Variants in PCNX1 observed in about 807,000 individuals in gnomAD.
The protein encoded by PCNX1 is pecanex 1.
PCNX1 carries 78 observed loss-of-function variants against 242.2 expected under a neutral mutation model. That is an observed-to-expected ratio of 0.32 (90% CI 0.27 to 0.39). The LOEUF (loss-of-function observed/expected upper bound fraction) is 0.39. PCNX1 is among the 10% of genes least tolerant of loss of function. The pLI is 1.00. For missense variants in PCNX1, 2,581 were observed against 2,856.5 expected (o/e 0.90, Z 2.20); for synonymous variants, 1,024 against 1,032.9 (o/e 0.99, Z 0.17).
At position 71,047,978 on chromosome 14, in the gene PCNX1, C is replaced by T. The variant is rs771588961; in HGVS notation, c.4332C>T (p.Phe1444=). Residue 1444 remains phenylalanine, a synonymous_variant, in exon 22 of 36, where the codon TTC becomes TTT. Transcript: ENST00000304743. ...LLDLFFMSIL[F]NKLWELLYKL... is the part of the protein sequence containing the mutation. ...ATCTCTTCTTTATGTCCATACTCTT[C>T]AACAAGGTAATTTATCACTGAAAGG... 1 of 1,607,394 alleles carries T rather than the reference C, an allele frequency of 6.2e-7. No individual in the cohort carries two copies. Among genetic ancestry groups the T allele is most frequent in the East Asian group, 2.2e-5 (1 of 44,736 alleles).
chr14:71,038,511 A>G (rs1029592677), intron 19 of PCNX1, among the ~76,000 whole-genome samples: 7 of 152,134 alleles, frequency 4.6e-5, no homozygotes, highest in Non-Finnish European at 1.5e-5. Context: ...AATGCAAATC[A>G]AAACCACAAT....
chr14:71,110,125 C>T lies in PCNX1; in HGVS notation c.*190C>T. On this transcript the variant is annotated 3_prime_UTR_variant, in exon 36 of 36. Transcript: ENST00000304743. ...TGACTCCTGTCACTGTCTCCATCCC[C>T]AAATAAAGCTGAAATATTTTTTTAA... The T allele has an allele frequency of 1.5e-6, 1 of 647,140 alleles. No individual in the cohort carries two copies. The highest frequency in any genetic ancestry group is 2.8e-6 in the Non-Finnish European group (1 of 357,806). The allele number at this position is 647,140 out of a possible 1,614,324, so 40.1% of individuals were successfully genotyped here. A position where few individuals can be genotyped will look rare whatever the true frequency, so the allele number is the denominator to read the frequency against.
rs1297586177 is a variant in PCNX1, at chr14:71,110,815, T to A, written c.*880T>A. 1.3e-5 allele frequency: 2 copies of A among 152,692 alleles called. No individual in the cohort carries two copies. The highest frequency in any genetic ancestry group is 4.8e-5 in the African/African-American group (2 of 41,464). The allele number at this position is 152,692 out of a possible 1,614,324, so 9.5% of individuals were successfully genotyped here. On this transcript the variant is annotated 3_prime_UTR_variant, in exon 36 of 36. Coordinates refer to ENST00000304743, the MANE Select transcript of PCNX1 (RefSeq NM_014982.3). ...TGTGTCTACATCTCAGAGGAGCCCATGTGCTCTGCTTCTCTCCACCAGAGC... is the reference window on the plus strand; with the variant it reads ...TGTGTCTACATCTCAGAGGAGCCCAAGTGCTCTGCTTCTCTCCACCAGAGC...
At chr14:71,041,794 T>TATACTA (rs1426145901) in intron 19 of PCNX1, among the ~76,000 whole-genome samples, 14 of 114,192 alleles carry the variant, frequency 1.2e-4, no homozygotes, top group African/African-American at 6.1e-4. Context: ...TATACTATAC[T>TATACTA]ATACTATACT....
At position 70,942,896 on chromosome 14, in the gene PCNX1, A is replaced by AC. The variant is rs1250373538; in HGVS notation, c.154-4019_154-4018insC. On this transcript the variant is annotated intron_variant, in intron 1 of 35. Coordinates refer to ENST00000304743, the MANE Select transcript of PCNX1 (RefSeq NM_014982.3). Reference sequence around the variant, plus strand: ...AGGACCACGTGGAGATAACTGAATCATGGGGGTGGTTCCCCCATGCTGTTC... The same window carrying AC: ...AGGACCACGTGGAGATAACTGAATCACTGGGGGTGGTTCCCCCATGCTGTTC... 5 of 152,220 alleles carry AC rather than the reference A, an allele frequency of 3.3e-5. No individual in the cohort carries two copies. The East Asian group carries it at 9.6e-4, about 29-fold the overall frequency. The allele number at this position is 152,220 out of a possible 1,614,324, so 9.4% of individuals were successfully genotyped here.
At chr14:70,988,397 CT>C (rs1209683884) in intron 6 of PCNX1, among the ~76,000 whole-genome samples, 169 bp from the exon 7 acceptor site, 1 of 152,088 alleles carries the variant, frequency 6.6e-6, no homozygotes, top group African/African-American at 2.4e-5. Flanking sequence ...ATGACAGATA[CT>C]TTTTGTGTAT....
intron 22 of PCNX1, among the ~76,000 whole-genome samples, chr14:71,048,417 C>CTAAA (rs1422511483): frequency 2.0e-5 from 3 of 152,126 alleles, no homozygotes; most frequent in Non-Finnish European, 4.4e-5. Context: ...ATACTCTGAA[C>CTAAA]TTTATAGGCT....
intron 1 of PCNX1, among the ~76,000 whole-genome samples, chr14:70,941,663 G>C (rs1379267896): frequency 1.3e-5 from 2 of 152,192 alleles, no homozygotes; most frequent in Non-Finnish European, 2.9e-5. Flanking sequence ...AAAGTTGTCA[G>C]ACAGGGACGT....
chr14:71,048,035 G>T, intron 22 of PCNX1, 51 bp downstream of exon 22: 3 of 1,314,712 alleles, frequency 2.3e-6, no homozygotes, highest in Non-Finnish European at 3.2e-6. Context: ...TATCTCCCTG[G>T]GTTATATGCT....
chr14:71,048,459 A>C (rs577686697), intron 22 of PCNX1, among the ~76,000 whole-genome samples: 16 of 152,276 alleles, frequency 1.1e-4, no homozygotes, highest in Non-Finnish European at 1.9e-4. Flanking sequence ...CCCATAAGAT[A>C]GATGTTCTAG....
Position 71,045,014 on chromosome 14 carries a change from C to T in PCNX1, c.3868-119C>T, listed in dbSNP as rs548540612. The stretch of plus-strand genomic sequence containing the variant: ...GTTAACTGTAGAAAAATGTTTAGTT[C>T]TTATATTCTAAAATGGACGTTGTCC... On this transcript the variant is annotated intron_variant, in intron 19 of 35. Coordinates refer to ENST00000304743, the MANE Select transcript of PCNX1 (RefSeq NM_014982.3). The T allele has an allele frequency of 3.4e-5, 23 of 676,156 alleles. 1 individual carries two copies. In the South Asian group the frequency reaches 4.5e-4, roughly 13 times the overall value. The allele number at this position is 676,156 out of a possible 1,614,324, so 41.9% of individuals were successfully genotyped here.
At chr14:70,999,620 G>A (rs1042741789) in intron 8 of PCNX1, among the ~76,000 whole-genome samples, 19 of 152,254 alleles carry the variant, frequency 1.2e-4, no homozygotes, top group African/African-American at 4.3e-4. Context: ...ACTGTGTAAG[G>A]ATTGACAAAG....
At chr14:70,938,514 C>T (rs7150037) in intron 1 of PCNX1, among the ~76,000 whole-genome samples, 72,458 of 151,954 alleles carry the variant, frequency 0.48, 17,972 homozygotes, top group Non-Finnish European at 0.55. Flanking sequence ...TTTTGATGTG[C>T]TGCTGGATTC....
In PCNX1 at chr14:71,057,464, G is replaced by T. The variant is rs1336935037; in HGVS notation, c.4637-45G>T. On this transcript the variant is annotated intron_variant, in intron 25 of 35. Transcript: ENST00000304743. ...TTTTTAACAATCTTGTTTGTCAAGA[G>T]GACTTAAGGTTAAATTTAACTTTTT... 5 of 1,202,128 alleles carry T rather than the reference G, an allele frequency of 4.2e-6. No individual in the cohort carries two copies. The East Asian group carries it at 1.2e-4, about 28-fold the overall frequency. The allele number at this position is 1,202,128 out of a possible 1,614,324, so 74.5% of individuals were successfully genotyped here.
intron 2 of PCNX1, among the ~76,000 whole-genome samples, chr14:70,954,099 G>A (rs1354537389): frequency 6.6e-6 from 1 of 152,170 alleles, no homozygotes; most frequent in African/African-American, 2.4e-5. Context: ...GTAGTATCAG[G>A]TAGGTTCTTA....
At chr14:70,932,267 A>T (rs2140167984) in intron 1 of PCNX1, among the ~76,000 whole-genome samples, 1 of 152,350 alleles carries the variant, frequency 6.6e-6, no homozygotes, top group Non-Finnish European at 1.5e-5. Context: ...GCTTCCGGGG[A>T]GAGACAATTG....
intron 1 of PCNX1, among the ~76,000 whole-genome samples, chr14:70,940,437 G>A (rs1357450131): frequency 6.6e-6 from 1 of 152,218 alleles, no homozygotes; most frequent in Admixed American, 6.5e-5. Flanking sequence ...TTTTCTTTAA[G>A]AATGTTGAAT....
chr14:71,029,013 G>A (rs186249259), intron 16 of PCNX1, among the ~76,000 whole-genome samples: 17 of 152,128 alleles, frequency 1.1e-4, no homozygotes, highest in African/African-American at 3.1e-4. Flanking sequence ...TGCAGTAGTC[G>A]TAGGTTAATA....
rs747322497 is a variant in PCNX1, at chr14:70,995,952, G to T, written c.2629+27G>T. ...TATGCAGGCCTTATGTAATCTTGAT[G>T]ATACAAAAACTTTAATGCAGCAGAT... On this transcript the variant is annotated intron_variant, in intron 8 of 35. Coordinates refer to ENST00000304743, the MANE Select transcript of PCNX1 (RefSeq NM_014982.3). The T allele has an allele frequency of 2.1e-5, 33 of 1,580,002 alleles. No individual in the cohort carries two copies. In the East Asian group the frequency reaches 6.9e-4, roughly 33 times the overall value.
Sources: allele counts gnomAD v4.1 joint callset (sites outside exome capture counted in the v4.1 genomes callset), GRCh38; gene constraint gnomAD v4.1.1; transcripts MANE v1.5; gene names NCBI Gene and HGNC (gene_info 2026-07-23, HGNC 2026-07-21).